The following SH3RF3 variants were observed in gnomAD, a reference collection of about 807,000 sequenced individuals.
SH3RF3 encodes the protein E3 ubiquitin-protein ligase SH3RF3.
In SH3RF3, 29 loss-of-function variants were observed where a neutral mutation model predicts 66.3. The ratio of observed to expected loss-of-function variants is 0.44; its 90% CI spans 0.33 to 0.60. SH3RF3 has a LOEUF of 0.60. Among genes scored for constraint, SH3RF3 ranks in the 20% least tolerant of loss-of-function variants. SH3RF3 has a pLI of 0.04. For synonymous variants in SH3RF3, 583 were observed against 532.0 expected, an observed-to-expected ratio of 1.10 and a Z score of -1.32; for missense variants, 1,194 against 1,190.9, an observed-to-expected ratio of 1.00 and a Z score of -0.04.
chr2:109,286,627 G>A (rs1312884002), intron 1 of SH3RF3, among the ~76,000 whole-genome samples: 1 of 152,194 alleles, frequency 6.6e-6, no homozygotes, highest in Non-Finnish European at 1.5e-5. Context: ...CCACACCCAT[G>A]ATTCTAAATC....
intron 8 of SH3RF3, among the ~76,000 whole-genome samples, chr2:109,477,625 TGTG>T (rs1678720356): frequency 6.6e-6 from 1 of 151,954 alleles, no homozygotes; most frequent in Admixed American, 6.6e-5. Flanking sequence ...TGTGTGTGTG[TGTG>T]TGTGTGTGTG....
At chr2:109,324,021 ATCTT>A (rs1183004378) in intron 1 of SH3RF3, among the ~76,000 whole-genome samples, 3 of 152,076 alleles carry the variant, frequency 2.0e-5, no homozygotes, top group Admixed American at 1.3e-4. Context: ...GTCCCTGTGG[ATCTT>A]TCTTTCTGGA....
At chr2:109,426,054 C>T (rs11694187) in intron 5 of SH3RF3, among the ~76,000 whole-genome samples, 9,412 of 152,252 alleles carry the variant, frequency 0.062, 383 homozygotes, top group South Asian at 0.11. Flanking sequence ...CATGCCACCA[C>T]GCCCAGCTAA....
At chr2:109,264,188 G>A (rs1197801290) in intron 1 of SH3RF3, among the ~76,000 whole-genome samples, 1 of 150,058 alleles carries the variant, frequency 6.7e-6, no homozygotes, top group Non-Finnish European at 1.5e-5. Context: ...CCAAGTCTGT[G>A]TGTGCTCCCC....
In SH3RF3 at chr2:109,403,669, A is replaced by G. The variant is rs183998066; in HGVS notation, c.1299+4726A>G. 6.9e-3 allele frequency among the ~76,000 whole-genome samples: 1,053 copies of G among 152,332 alleles called. 8 individuals carry two copies. Among genetic ancestry groups the G allele is most frequent in the East Asian group, 0.041 (211 of 5,182 alleles). On this transcript the variant is annotated intron_variant, in intron 4 of 9. Transcript: ENST00000309415. ...TTTAGGCTGAGGCCAGGCTCAATGC[A>G]GGGTGCTGGGGTGGAGGTGCAGGCT...
At chr2:109,419,835 G>A (rs570774826) in intron 5 of SH3RF3, among the ~76,000 whole-genome samples, 193 bp downstream of exon 5, 3 of 152,350 alleles carry the variant, frequency 2.0e-5, no homozygotes, top group South Asian at 2.1e-4. Flanking sequence ...TTCTGATGTC[G>A]TTGTTTCTAG....
chr2:109,451,775 C>A (rs1228441373), intron 8 of SH3RF3, among the ~76,000 whole-genome samples: 1 of 152,270 alleles, frequency 6.6e-6, no homozygotes, highest in Non-Finnish European at 1.5e-5. Context: ...GACGCCCTGC[C>A]ATGCAAGCTG....
intron 1 of SH3RF3, among the ~76,000 whole-genome samples, chr2:109,258,234 G>A (rs1436630227): frequency 6.6e-6 from 1 of 152,188 alleles, no homozygotes; most frequent in African/African-American, 2.4e-5. Context: ...GTGGGGGACA[G>A]CCTGGCGCTG....
intron 1 of SH3RF3, among the ~76,000 whole-genome samples, chr2:109,203,844 G>T (rs910103653): frequency 1.3e-5 from 2 of 152,134 alleles, no homozygotes; most frequent in Non-Finnish European, 2.9e-5. Context: ...TTGTGTGGGT[G>T]CCTCGCTACC....
At chr2:109,304,095 C>G (rs1681537762) in intron 1 of SH3RF3, among the ~76,000 whole-genome samples, 1 of 149,922 alleles carries the variant, frequency 6.7e-6, no homozygotes, top group Non-Finnish European at 1.5e-5. Context: ...GAGCAAAACT[C>G]CATCTCAAAA....
At chr2:109,133,175 G>A (rs943627788) in intron 1 of SH3RF3, among the ~76,000 whole-genome samples, 8 of 152,320 alleles carry the variant, frequency 5.3e-5, no homozygotes, top group African/African-American at 1.9e-4. Flanking sequence ...TTCTGTGAGG[G>A]TTACAAGGAA....
chr2:109,135,562 C>T (rs778239265), intron 1 of SH3RF3, among the ~76,000 whole-genome samples: 1 of 152,194 alleles, frequency 6.6e-6, no homozygotes, highest in Non-Finnish European at 1.5e-5. Flanking sequence ...TCTTATCACG[C>T]GTGAGGCACA....
chr2:109,396,010 GT>G (rs1463001306), intron 3 of SH3RF3, among the ~76,000 whole-genome samples: 2 of 152,250 alleles, frequency 1.3e-5, no homozygotes, highest in East Asian at 3.8e-4. Context: ...CATGATTGCT[GT>G]GTAATGATGT....
intron 1 of SH3RF3, among the ~76,000 whole-genome samples, chr2:109,221,031 A>C (rs1444750346): frequency 6.6e-6 from 1 of 152,248 alleles, no homozygotes; most frequent in East Asian, 1.9e-4. Flanking sequence ...CAGGGTAAAC[A>C]AAATGTGGTA....
chr2:109,326,812 G>T (rs1315641512), intron 1 of SH3RF3, among the ~76,000 whole-genome samples: 2 of 152,210 alleles, frequency 1.3e-5, no homozygotes, highest in Non-Finnish European at 2.9e-5. Flanking sequence ...TTCTTAGGGG[G>T]ACGCCTGTCT....
chr2:109,249,583 C>CCTTCCTTCCTTCCTTCCTTCCTTT (rs1553491292), intron 1 of SH3RF3, among the ~76,000 whole-genome samples: 4 of 84,398 alleles, frequency 4.7e-5, no homozygotes, highest in Non-Finnish European at 6.8e-5. Context: ...TTCCTTCCTT[C>CCTTCCTTCCTTCCTTCCTTCCTTT]CTTTCCTTTC....
rs571694801 is a variant in SH3RF3, at chr2:109,456,117, G to A, written c.2148+6628G>A. Reference sequence around the variant, plus strand: ...GGGGCTTGGGAACCTCAGGTCTGCCGCACAGCAAAGTCACTGAAGAGTCTC... The same window carrying A: ...GGGGCTTGGGAACCTCAGGTCTGCCACACAGCAAAGTCACTGAAGAGTCTC... On this transcript the variant is annotated intron_variant, in intron 8 of 9. Transcript: ENST00000309415. Among the ~76,000 whole-genome samples the A allele has an allele frequency of 3.6e-4, 55 of 152,286 alleles. No homozygotes were observed. The South Asian group carries it at 9.5e-3, about 26-fold the overall frequency.
Position 109,185,654 on chromosome 2 carries a change from C to T in SH3RF3, c.573+55541C>T, listed in dbSNP as rs114812042. On this transcript the variant is annotated intron_variant, in intron 1 of 9. Coordinates refer to ENST00000309415, the MANE Select transcript of SH3RF3 (RefSeq NM_001099289.3). ...CTGGACAGGACAGCCCTCAGACACT[C>T]CTGGTTCACCTTAGTTCACTAGGCA... Among the ~76,000 whole-genome samples, 415 of 152,190 alleles carry T rather than the reference C, an allele frequency of 2.7e-3. 3 individuals carry two copies. The highest frequency in any genetic ancestry group is 9.3e-3 in the African/African-American group (384 of 41,510).
At chr2:109,455,066 TTCA>T in intron 8 of SH3RF3, among the ~76,000 whole-genome samples, 1 of 152,216 alleles carries the variant, frequency 6.6e-6, no homozygotes, top group Admixed American at 6.5e-5. Context: ...CTCAGAGACC[TTCA>T]GAGACTTGCC....
Sources: allele counts gnomAD v4.1 joint callset (sites outside exome capture counted in the v4.1 genomes callset), GRCh38; gene constraint gnomAD v4.1.1; transcripts MANE v1.5; gene names NCBI Gene and HGNC (gene_info 2026-07-23, HGNC 2026-07-21).